The following TMPRSS15 variants were observed in gnomAD, a reference collection of about 807,000 sequenced individuals.
The protein encoded by TMPRSS15 is transmembrane serine protease 15, also known as enteropeptidase.
In TMPRSS15, 128 loss-of-function variants were observed where a neutral mutation model predicts 125.3. That is an observed-to-expected ratio of 1.02 (90% CI 0.89 to 1.18). The LOEUF is 1.18. Among genes scored for constraint, TMPRSS15 ranks in the 50% most tolerant of loss-of-function variants. TMPRSS15 has a pLI of 0.00. For synonymous variants in TMPRSS15, 446 were observed against 423.2 expected (o/e 1.05, Z -0.66); for missense variants, 1,283 against 1,212.7 (o/e 1.06, Z -0.86).
chr21:18,371,750 T>A (rs1367150605), intron 6 of TMPRSS15, among the ~76,000 whole-genome samples: 1 of 152,010 alleles, frequency 6.6e-6, no homozygotes, highest in Non-Finnish European at 1.5e-5. Context: ...ACTGTTAAAA[T>A]GTTGAAAGAA....
chr21:18,437,085 C>T (rs1182243208), intron 1 of TMPRSS15, among the ~76,000 whole-genome samples: 1 of 148,966 alleles, frequency 6.7e-6, no homozygotes. Context: ...TACTACAAGG[C>T]TACAGTAACC....
At chr21:18,420,708 C>G (rs2076190417) in intron 1 of TMPRSS15, among the ~76,000 whole-genome samples, 1 of 152,070 alleles carries the variant, frequency 6.6e-6, no homozygotes, top group Non-Finnish European at 1.5e-5. Flanking sequence ...ATAGCATGGC[C>G]AGGCTTTGGC....
chr21:18,457,606 A>G (rs913920807), intron 1 of TMPRSS15, among the ~76,000 whole-genome samples: 1 of 152,156 alleles, frequency 6.6e-6, no homozygotes. Context: ...TAATAATGCA[A>G]TAGAGTTTAA....
At chr21:18,412,889 CATA>C (rs1394998429) in intron 1 of TMPRSS15, among the ~76,000 whole-genome samples, 1 of 152,078 alleles carries the variant, frequency 6.6e-6, no homozygotes, top group Non-Finnish European at 1.5e-5. Context: ...AATTAAACGG[CATA>C]ATAACATGTT....
Position 18,275,341 on chromosome 21 carries a change from T to C in TMPRSS15, c.2765-5A>G. On this transcript the variant is annotated splice_polypyrimidine_tract_variant and splice_region_variant and intron_variant, in intron 23 of 24. Transcript: ENST00000284885. The stretch of plus-strand genomic sequence containing the variant: ...GCAATATGTTTGCAGTAGTACCTGC[T>C]CAAAATGGAGAATGCAGCCAGCCAG... 1.9e-6 allele frequency: 3 copies of C among 1,613,818 alleles called. No homozygotes were observed. Among genetic ancestry groups the C allele is most frequent in the Non-Finnish European group, 2.5e-6 (3 of 1,179,962 alleles).
At chr21:18,299,523 C>T (rs1057150692) in intron 18 of TMPRSS15, among the ~76,000 whole-genome samples, 2 of 152,302 alleles carry the variant, frequency 1.3e-5, no homozygotes, top group Middle Eastern at 3.4e-3. Flanking sequence ...GCTCCAGAAA[C>T]GTCACTGGAA....
chr21:18,484,718 G>A (rs778128540), intron 1 of TMPRSS15, among the ~76,000 whole-genome samples: 1 of 151,674 alleles, frequency 6.6e-6, no homozygotes, highest in African/African-American at 2.4e-5. Flanking sequence ...CATAAATAAG[G>A]TGATTATATA....
rs2076005991 is a variant in TMPRSS15 at position 18,393,265 on chromosome 21, C to T, written c.344+4614G>A. Among the ~76,000 whole-genome samples, 3 of 152,078 alleles carry T rather than the reference C, an allele frequency of 2.0e-5. No individual in the cohort carries two copies. The South Asian group carries it at 6.3e-4, about 32-fold the overall frequency. On this transcript the variant is annotated intron_variant, in intron 3 of 24. Coordinates refer to ENST00000284885, the MANE Select transcript of TMPRSS15 (RefSeq NM_002772.3). The stretch of plus-strand genomic sequence containing the variant: ...CATTTATTCTCTAAAAAACTAGTAA[C>T]TACAAGCAGGATCAGTGGATGAAAA...
chr21:18,423,929 C>CT (rs1163240367), intron 1 of TMPRSS15, among the ~76,000 whole-genome samples: 3 of 151,922 alleles, frequency 2.0e-5, no homozygotes, highest in Non-Finnish European at 4.4e-5. Flanking sequence ...TCTTCATCTT[C>CT]TTTTTTTTCT....
In TMPRSS15 at chr21:18,398,876, T is replaced by C. The variant is rs73893094; in HGVS notation, c.146-547A>G. Among the ~76,000 whole-genome samples, 443 of 152,238 alleles carry C rather than the reference T, an allele frequency of 2.9e-3. 1 individual carries two copies. The highest frequency in any genetic ancestry group is 0.011 in the African/African-American group (438 of 41,570). Reference sequence around the variant, plus strand: ...CTAATAATTATAAAAATGGCATGCATGACCTTGTGCCATTAGCTGGTGACT... The same window carrying C: ...CTAATAATTATAAAAATGGCATGCACGACCTTGTGCCATTAGCTGGTGACT... On this transcript the variant is annotated intron_variant, in intron 1 of 24. Coordinates refer to ENST00000284885, the MANE Select transcript of TMPRSS15 (RefSeq NM_002772.3).
intron 7 of TMPRSS15, among the ~76,000 whole-genome samples, chr21:18,361,505 G>A (rs2075679659): frequency 6.6e-6 from 1 of 152,122 alleles, no homozygotes; most frequent in African/African-American, 2.4e-5. Context: ...TCTGGCCATG[G>A]AGGATACTGA....
chr21:18,403,341 A>T, intron 1 of TMPRSS15, 137 bp downstream of exon 1: 1 of 1,126,654 alleles, frequency 8.9e-7, no homozygotes, highest in Non-Finnish European at 1.3e-6. Context: ...CATGAAGATT[A>T]ATTTGAAATA....
At chr21:18,287,626 A>T (rs1568984602) in intron 21 of TMPRSS15, among the ~76,000 whole-genome samples, 1 of 152,176 alleles carries the variant, frequency 6.6e-6, no homozygotes, top group East Asian at 1.9e-4. Context: ...TACATGCCAA[A>T]GAGACATATG....
chr21:18,470,896 A>G (rs987012088), intron 1 of TMPRSS15, among the ~76,000 whole-genome samples: 2 of 152,108 alleles, frequency 1.3e-5, no homozygotes, highest in South Asian at 2.1e-4. Flanking sequence ...AAAAGTATCC[A>G]TAGAATGATT....
intron 13 of TMPRSS15, among the ~76,000 whole-genome samples, chr21:18,334,038 G>C (rs1331109014): frequency 6.6e-6 from 1 of 152,108 alleles, no homozygotes; most frequent in Non-Finnish European, 1.5e-5. Flanking sequence ...CAATAAACTA[G>C]AAATCAGATT....
At chr21:18,341,034 T>G (rs769740275) in intron 13 of TMPRSS15, among the ~76,000 whole-genome samples, 9 of 152,152 alleles carry the variant, frequency 5.9e-5, no homozygotes, top group Non-Finnish European at 1.2e-4. Context: ...CAAAGGAAGA[T>G]CTACCTGAAA....
Position 18,353,067 on chromosome 21 carries a change from A to T in TMPRSS15, c.1022-15T>A. ...TTTCTCATAATCTGTGAATGAAAAA[A>T]AAGAAGGAATAAAAAAAATTTAGTC... On this transcript the variant is annotated splice_polypyrimidine_tract_variant and intron_variant, in intron 9 of 24. Coordinates refer to ENST00000284885, the MANE Select transcript of TMPRSS15 (RefSeq NM_002772.3). 6.2e-7 allele frequency: 1 copy of T among 1,606,816 alleles called. No individual in the cohort carries two copies. The highest frequency in any genetic ancestry group is 2.2e-4 in the Middle Eastern group (1 of 4,554).
intron 1 of TMPRSS15, among the ~76,000 whole-genome samples, chr21:18,423,420 T>TG (rs903832933): frequency 6.0e-5 from 9 of 150,948 alleles, no homozygotes; most frequent in African/African-American, 2.2e-4. Context: ...TTTTTTTTTT[T>TG]TTTTTTGAGA....
chr21:18,465,950 C>A (rs1315675713), intron 1 of TMPRSS15, among the ~76,000 whole-genome samples: 1 of 152,078 alleles, frequency 6.6e-6, no homozygotes, highest in Non-Finnish European at 1.5e-5. Context: ...GCACATATAG[C>A]CAAGACAATC....
Sources: allele counts gnomAD v4.1 joint callset (sites outside exome capture counted in the v4.1 genomes callset), GRCh38; gene constraint gnomAD v4.1.1; transcripts MANE v1.5; gene names NCBI Gene and HGNC (gene_info 2026-07-23, HGNC 2026-07-21).